GRK5: variants seen among roughly 807,000 people sequenced by gnomAD.
GRK5 encodes G protein-coupled receptor kinase 5.
GRK5 carries 40 observed loss-of-function variants against 78.4 expected under a neutral mutation model. That is an observed-to-expected ratio of 0.51 (90% confidence interval 0.40 to 0.66). The LOEUF is 0.66. Ranked by LOEUF, GRK5 falls within the 30% of genes least tolerant of loss-of-function variation. The probability of loss-of-function intolerance (pLI) is 0.00; values close to 1 mark genes in which losing one functional copy is unlikely to be tolerated. For synonymous variants in GRK5, 289 were observed against 296.8 expected (o/e 0.97, Z 0.27); for missense variants, 598 against 759.9 (o/e 0.79, Z 2.50).
At chr10:119,426,569 A>G (rs1346780917) in intron 6 of GRK5, among the ~76,000 whole-genome samples, 2 of 152,198 alleles carry the variant, frequency 1.3e-5, no homozygotes, top group Non-Finnish European at 2.9e-5. Context: ...AGGAGGAGAT[A>G]AGATAAGCAC....
chr10:119,331,611 G>A (rs927755961), intron 2 of GRK5, among the ~76,000 whole-genome samples: 7 of 152,228 alleles, frequency 4.6e-5, no homozygotes, highest in African/African-American at 1.4e-4. Flanking sequence ...GGCCCCTTTA[G>A]GGTGTGAGGT....
chr10:119,443,122 C>T (rs937138652), intron 11 of GRK5, among the ~76,000 whole-genome samples: 1 of 152,136 alleles, frequency 6.6e-6, no homozygotes, highest in Non-Finnish European at 1.5e-5. Flanking sequence ...ATCTGTAATT[C>T]GGTTTATCAA....
chr10:119,380,697 GT>G, intron 2 of GRK5, 117 bp from the exon 3 acceptor site: 1 of 633,202 alleles, frequency 1.6e-6, no homozygotes. Context: ...CGTTCTGAGA[GT>G]TTGCCAGTCA....
intron 1 of GRK5, among the ~76,000 whole-genome samples, chr10:119,232,405 G>C (rs1000367549): frequency 6.6e-6 from 1 of 152,230 alleles, no homozygotes; most frequent in African/African-American, 2.4e-5. Flanking sequence ...GAAACTCCTA[G>C]TGTTCTATAT....
rs566889428 is a variant in GRK5 at position 119,443,201 on chromosome 10, G to T, written c.1058-343G>T. Among the ~76,000 whole-genome samples, 12 of 152,316 alleles carry T rather than the reference G, an allele frequency of 7.9e-5. No homozygotes were observed. In the South Asian group the frequency reaches 2.5e-3, roughly 32 times the overall value. On this transcript the variant is annotated intron_variant, in intron 11 of 15. Transcript: ENST00000392870. Reference sequence around the variant, plus strand: ...AAATTTAAGATCATCTTTAATTTGGGTAGATACACCTTTATTCATTGAAAC... The same window carrying T: ...AAATTTAAGATCATCTTTAATTTGGTTAGATACACCTTTATTCATTGAAAC...
chr10:119,322,837 A>T (rs1850609348), intron 1 of GRK5, among the ~76,000 whole-genome samples: 1 of 152,244 alleles, frequency 6.6e-6, no homozygotes, highest in African/African-American at 2.4e-5. Context: ...CAGGGACTTG[A>T]ACAGATACTT....
intron 4 of GRK5, among the ~76,000 whole-genome samples, chr10:119,399,443 C>T (rs568520132): frequency 1.3e-5 from 2 of 152,324 alleles, no homozygotes; most frequent in East Asian, 3.9e-4. Flanking sequence ...TGACCAACTG[C>T]AAAGCCACTG....
Position 119,311,497 on chromosome 10 carries a change from C to T in GRK5, c.53-15019C>T, listed in dbSNP as rs541595320. Among the ~76,000 whole-genome samples the T allele has an allele frequency of 8.5e-4, 130 of 152,164 alleles. 1 individual carries two copies. In the Middle Eastern group the frequency reaches 0.024, roughly 28 times the overall value. ...GGGCAGGTTGTAGAATTAAAAAGGG[C>T]GAGTAGAGGCCTAGCTTGGTGACTT... On this transcript the variant is annotated intron_variant, in intron 1 of 15. Coordinates refer to ENST00000392870, the MANE Select transcript of GRK5 (RefSeq NM_005308.3).
chr10:119,372,356 G>T (rs945098264), intron 2 of GRK5, among the ~76,000 whole-genome samples: 1 of 152,254 alleles, frequency 6.6e-6, no homozygotes, highest in African/African-American at 2.4e-5. Context: ...CAACTTCGTG[G>T]TGGAGGCTGA....
In GRK5 at chr10:119,282,524, C is replaced by T. The variant is rs921344413; in HGVS notation, c.53-43992C>T. ...ACTGCTGTGTCCTCAGCTCCTAGAC[C>T]AGGGTCGGGTTCCGGCTGGGGCAGG... On this transcript the variant is annotated intron_variant, in intron 1 of 15. Transcript: ENST00000392870. 2.6e-5 allele frequency among the ~76,000 whole-genome samples: 4 copies of T among 152,226 alleles called. No individual in the cohort carries two copies. The East Asian group carries it at 7.7e-4, about 29-fold the overall frequency.
chr10:119,345,260 G>A (rs549763545), intron 2 of GRK5, among the ~76,000 whole-genome samples: 135 of 152,252 alleles, frequency 8.9e-4, no homozygotes, highest in Non-Finnish European at 1.7e-3. Flanking sequence ...GAGCCACCGC[G>A]CCCGGCCACA....
At chr10:119,247,865 A>G (rs1849137775) in intron 1 of GRK5, among the ~76,000 whole-genome samples, 1 of 152,180 alleles carries the variant, frequency 6.6e-6, no homozygotes. Context: ...TTATAGGGGC[A>G]CATATATATA....
At chr10:119,454,018 G>A (rs757634139) in intron 15 of GRK5, among the ~76,000 whole-genome samples, 2 of 152,214 alleles carry the variant, frequency 1.3e-5, no homozygotes, top group Non-Finnish European at 2.9e-5. Flanking sequence ...TGAGGAAGCT[G>A]TGGCCCAGTG....
chr10:119,207,978 C>T lies in GRK5; in HGVS notation c.52+9C>T. On this transcript the variant is annotated intron_variant, in intron 1 of 15. Coordinates refer to ENST00000392870, the MANE Select transcript of GRK5 (RefSeq NM_005308.3). Reference sequence around the variant, plus strand: ...GCTGAAAGCCAGGGAAGGTAAGAGGCAGGGCCGGTACGTGCCCGGCGCGTC... The same window carrying T: ...GCTGAAAGCCAGGGAAGGTAAGAGGTAGGGCCGGTACGTGCCCGGCGCGTC... 1 of 1,602,932 alleles carries T rather than the reference C, an allele frequency of 6.2e-7. No homozygotes were observed. The highest frequency in any genetic ancestry group is 8.5e-7 in the Non-Finnish European group (1 of 1,175,700).
chr10:119,314,129 G>T (rs1273904360), intron 1 of GRK5, among the ~76,000 whole-genome samples: 1 of 152,252 alleles, frequency 6.6e-6, no homozygotes, highest in Non-Finnish European at 1.5e-5. Context: ...GGAGGGCTGG[G>T]GTGTATGATG....
chr10:119,366,850 A>C (rs1037273650), intron 2 of GRK5, among the ~76,000 whole-genome samples: 1 of 152,156 alleles, frequency 6.6e-6, no homozygotes, highest in African/African-American at 2.4e-5. Flanking sequence ...TAAAAGTTAA[A>C]AGATGCAGAA....
intron 8 of GRK5, among the ~76,000 whole-genome samples, chr10:119,433,291 C>T (rs1258059486): frequency 6.6e-6 from 1 of 152,192 alleles, no homozygotes; most frequent in Non-Finnish European, 1.5e-5. Context: ...CCTTCCTCCC[C>T]ACTGCCAGCC....
At chr10:119,369,789 A>G (rs911931645) in intron 2 of GRK5, among the ~76,000 whole-genome samples, 1 of 152,124 alleles carries the variant, frequency 6.6e-6, no homozygotes, top group African/African-American at 2.4e-5. Flanking sequence ...GAGGGCTCAG[A>G]GCACAGTGCT....
At chr10:119,332,679 T>A (rs922903559) in intron 2 of GRK5, among the ~76,000 whole-genome samples, 28 of 152,218 alleles carry the variant, frequency 1.8e-4, no homozygotes, top group African/African-American at 6.5e-4. Flanking sequence ...TGTGCTGCCC[T>A]ATGTGAGCTG....
Sources: allele counts gnomAD v4.1 joint callset (sites outside exome capture counted in the v4.1 genomes callset), GRCh38; gene constraint gnomAD v4.1.1; transcripts MANE v1.5; gene names NCBI Gene and HGNC (gene_info 2026-07-23, HGNC 2026-07-21).